GRK5: variants seen among roughly 807,000 people sequenced by gnomAD.
GRK5 encodes the protein g protein-coupled receptor kinase GRK5.
Under a neutral mutation model 78.4 loss-of-function variants are expected in GRK5, and 40 were observed. That is an observed-to-expected ratio of 0.51 (90% confidence interval 0.40 to 0.66). The LOEUF (loss-of-function observed/expected upper bound fraction) is 0.66. GRK5 is among the 30% of genes least tolerant of loss of function. The pLI, the probability that GRK5 is intolerant of heterozygous loss-of-function variation, is 0.00. For missense variants in GRK5, 598 were observed against 759.9 expected (o/e 0.79, Z 2.50); for synonymous variants, 289 against 296.8 (o/e 0.97, Z 0.27).
intron 1 of GRK5, among the ~76,000 whole-genome samples, chr10:119,214,963 G>A (rs942965134): frequency 6.6e-6 from 1 of 152,252 alleles, no homozygotes; most frequent in Admixed American, 6.5e-5. Flanking sequence ...GGTGTTCAGG[G>A]CAGAGGCCTG....
chr10:119,300,758 T>C (rs745313515), intron 1 of GRK5, among the ~76,000 whole-genome samples: 1 of 152,126 alleles, frequency 6.6e-6, no homozygotes, highest in Non-Finnish European at 1.5e-5. Flanking sequence ...TTCCAGACCA[T>C]GGGGTTTGCT....
intron 1 of GRK5, among the ~76,000 whole-genome samples, chr10:119,228,352 AC>A (rs1229316333): frequency 6.6e-6 from 1 of 151,832 alleles, no homozygotes; most frequent in African/African-American, 2.4e-5. Flanking sequence ...CTCAAAAAAA[AC>A]AAAACAAAAC....
chr10:119,394,803 G>GT (rs1491407229), intron 3 of GRK5, among the ~76,000 whole-genome samples: 134 of 150,018 alleles, frequency 8.9e-4, no homozygotes, highest in African/African-American at 3.2e-3. Flanking sequence ...TTGGGTGTGT[G>GT]GGTGTGTGTG....
At chr10:119,340,120 G>GTTTTGT (rs1554908747) in intron 2 of GRK5, among the ~76,000 whole-genome samples, 12 of 151,730 alleles carry the variant, frequency 7.9e-5, no homozygotes, top group Non-Finnish European at 1.2e-4. Context: ...TTGTTTGTTT[G>GTTTTGT]TTTGTTTTGT....
At chr10:119,413,340 G>A (rs1852381026) in intron 4 of GRK5, among the ~76,000 whole-genome samples, 1 of 151,364 alleles carries the variant, frequency 6.6e-6, no homozygotes, top group Non-Finnish European at 1.5e-5. Context: ...AGGACCTTCT[G>A]GTGGACAGAC....
Position 119,452,693 on chromosome 10 carries a change from A to G in GRK5, c.1427A>G (p.Asp476Gly). Residue 476 changes from aspartate to glycine, a missense_variant, in exon 14 of 16, where the codon GAC becomes GGC. Asp to Gly is a moderately conservative substitution (Grantham distance 94). Coordinates refer to ENST00000392870, the MANE Select transcript of GRK5 (RefSeq NM_005308.3). The surrounding 1 kb of genome is among the most constrained non-coding windows in gnomAD (Gnocchi z 4.4). ...CAGCCCCGCGCTGTGTACTGTAAGG[A>G]CGTGCTGGACATCGAGCAGTTCTCC... The part of the protein sequence containing the change: ...VPDPRAVYCK[D>G]VLDIEQFSTV... The G allele has an allele frequency of 6.2e-7, 1 of 1,614,098 alleles. No individual in the cohort carries two copies. Among genetic ancestry groups the G allele is most frequent in the Non-Finnish European group, 8.5e-7 (1 of 1,180,028 alleles).
chr10:119,384,073 T>A (rs1050041834), intron 3 of GRK5, among the ~76,000 whole-genome samples: 1 of 152,178 alleles, frequency 6.6e-6, no homozygotes, highest in African/African-American at 2.4e-5. Flanking sequence ...TCCCGGAGTC[T>A]TTCTTCAGCT....
At chr10:119,311,357 C>T (rs1446890051) in intron 1 of GRK5, among the ~76,000 whole-genome samples, 2 of 151,848 alleles carry the variant, frequency 1.3e-5, no homozygotes, top group South Asian at 4.2e-4. Flanking sequence ...AAGCAATGAG[C>T]AGAATAACTC....
intron 2 of GRK5, among the ~76,000 whole-genome samples, chr10:119,351,783 C>A (rs1348998830): frequency 1.3e-5 from 2 of 152,292 alleles, no homozygotes; most frequent in Admixed American, 6.5e-5. Flanking sequence ...TCCTTGGGAA[C>A]CCTGGATAAT....
chr10:119,377,004 G>A (rs1374955530), intron 2 of GRK5, among the ~76,000 whole-genome samples: 1 of 152,208 alleles, frequency 6.6e-6, no homozygotes, highest in Non-Finnish European at 1.5e-5. Context: ...GTGCGTGCGT[G>A]TGTGTGGACA....
At chr10:119,399,225 G>A (rs1168302928) in intron 4 of GRK5, among the ~76,000 whole-genome samples, 1 of 152,226 alleles carries the variant, frequency 6.6e-6, no homozygotes, top group Non-Finnish European at 1.5e-5. Context: ...GGCCAGGGAG[G>A]CCTCCAGGGG....
intron 2 of GRK5, among the ~76,000 whole-genome samples, chr10:119,344,515 G>T (rs191151294): frequency 6.6e-6 from 1 of 152,198 alleles, no homozygotes; most frequent in Non-Finnish European, 1.5e-5. Context: ...CCACCTGTCA[G>T]AGCTCTCCAA....
In GRK5 at chr10:119,459,433, C is replaced by T. The variant is rs1853448919; in HGVS notation, c.*4366C>T. On this transcript the variant is annotated 3_prime_UTR_variant, in exon 16 of 16. Transcript: ENST00000392870. Reference sequence around the variant, plus strand: ...CAAAGTGGAATTTAGATGTCTTTCCCTAGTCCATCAAGAAGTCATTTTTGT... The same window carrying T: ...CAAAGTGGAATTTAGATGTCTTTCCTTAGTCCATCAAGAAGTCATTTTTGT... The T allele has an allele frequency of 6.6e-6, 1 of 152,238 alleles. No homozygotes were observed. Among genetic ancestry groups the T allele is most frequent in the African/African-American group, 2.4e-5 (1 of 41,464 alleles). The allele number at this position is 152,238 out of a possible 1,614,324, so 9.4% of individuals were successfully genotyped here.
At chr10:119,209,366 G>A (rs1848443482) in intron 1 of GRK5, among the ~76,000 whole-genome samples, 2 of 151,972 alleles carry the variant, frequency 1.3e-5, no homozygotes, top group South Asian at 2.1e-4. Context: ...CCCCAGCAGA[G>A]TTTAAAATAT....
chr10:119,250,850 T>G (rs1416048323), intron 1 of GRK5, among the ~76,000 whole-genome samples: 1 of 152,212 alleles, frequency 6.6e-6, no homozygotes, highest in East Asian at 1.9e-4. Context: ...TAGCCTGTGC[T>G]GCCCAGTCAC....
At chr10:119,247,175 T>C (rs1398099571) in intron 1 of GRK5, among the ~76,000 whole-genome samples, 6 of 152,224 alleles carry the variant, frequency 3.9e-5, no homozygotes, top group Non-Finnish European at 7.3e-5. Context: ...GCGGAAACTC[T>C]GAGAACATTC....
chr10:119,322,265 A>G (rs1459722946), intron 1 of GRK5, among the ~76,000 whole-genome samples: 2 of 152,164 alleles, frequency 1.3e-5, no homozygotes, highest in Non-Finnish European at 2.9e-5. Context: ...AACCCTTGAC[A>G]TTTTAGAGCC....
At chr10:119,265,012 G>A (rs1849471201) in intron 1 of GRK5, among the ~76,000 whole-genome samples, 1 of 152,178 alleles carries the variant, frequency 6.6e-6, no homozygotes, top group Non-Finnish European at 1.5e-5. Flanking sequence ...GAGCTGGTTG[G>A]GGCTCACAGC....
At position 119,266,850 on chromosome 10, in the gene GRK5, C is replaced by T. The variant is rs1011851536; in HGVS notation, c.52+58881C>T. Among the ~76,000 whole-genome samples, 18 of 151,654 alleles carry T rather than the reference C, an allele frequency of 1.2e-4. No homozygotes were observed. The Middle Eastern group carries it at 0.01, about 86-fold the overall frequency. On this transcript the variant is annotated intron_variant, in intron 1 of 15. Coordinates refer to ENST00000392870, the MANE Select transcript of GRK5 (RefSeq NM_005308.3). ...AGTGCAGTGCTGTGATCACAGCCCA[C>T]TGCAGCCTTGAACTCCTGGGCTCAA...
Sources: gnomAD v4.1 joint callset for allele counts (sites outside exome capture counted in the v4.1 genomes callset) on GRCh38, gnomAD v4.1.1 for gene constraint, Gnocchi (gnomAD v3.1) non-coding constraint, MANE v1.5 for transcripts, NCBI Gene and HGNC (gene_info 2026-07-23, HGNC 2026-07-21) for gene names.